The following PPP1R12B variants were observed in gnomAD, a reference collection of about 807,000 sequenced individuals.
PPP1R12B encodes myosin phosphatase target subunit 2.
PPP1R12B carries 76 observed loss-of-function variants against 126.1 expected under a neutral mutation model. The observed-to-expected ratio is 0.60, with a 90% CI of 0.50 to 0.73. The LOEUF (loss-of-function observed/expected upper bound fraction) is 0.73. PPP1R12B is among the 30% of genes least tolerant of loss of function. The pLI is 0.00. For missense variants in PPP1R12B, 1,052 were observed against 1,205.1 expected (o/e 0.87, Z 1.88); for synonymous variants, 356 against 434.7 (o/e 0.82, Z 2.25).
intron 1 of PPP1R12B, among the ~76,000 whole-genome samples, chr1:202,353,731 C>T (rs1364669998): frequency 4.6e-5 from 7 of 151,702 alleles, no homozygotes; most frequent in Non-Finnish European, 1.5e-5. Flanking sequence ...CCACCTCAGC[C>T]TCCTTAGTAA....
At chr1:202,548,560 A>G (rs1685895792) in intron 18 of PPP1R12B, among the ~76,000 whole-genome samples, 1 of 151,830 alleles carries the variant, frequency 6.6e-6, no homozygotes, top group Non-Finnish European at 1.5e-5. Context: ...CCCAACCTCA[A>G]GTGATCCTCC....
At chr1:202,356,968 CCCA>C (rs1413401823) in intron 1 of PPP1R12B, among the ~76,000 whole-genome samples, 1 of 151,868 alleles carries the variant, frequency 6.6e-6, no homozygotes, top group African/African-American at 2.4e-5. Context: ...ATTACAGGCG[CCCA>C]CCACCACAAC....
rs1687661862 is a variant in PPP1R12B at position 202,562,798 on chromosome 1, A to G, written c.2528A>G (p.Asn843Ser). 1.2e-6 allele frequency: 2 copies of G among 1,612,334 alleles called. No homozygotes were observed. Among genetic ancestry groups the G allele is most frequent in the Non-Finnish European group, 1.7e-6 (2 of 1,179,102 alleles). Residue 843 changes from asparagine to serine, a missense_variant, in exon 20 of 24, where the codon AAT becomes AGT. Coordinates refer to ENST00000608999, the MANE Select transcript of PPP1R12B (RefSeq NM_002481.4). Reference protein sequence around the residue: ...RLSRLESGGSNPTTSDSYGDR... With the variant: ...RLSRLESGGSSPTTSDSYGDR... ...CACAGGTTGGAATCGGGAGGTAGTA[A>G]TCCTACAACCAGTGATTCTTACGGT...
At chr1:202,398,264 A>C (rs1665298968) in intron 1 of PPP1R12B, among the ~76,000 whole-genome samples, 1 of 152,178 alleles carries the variant, frequency 6.6e-6, no homozygotes, top group African/African-American at 2.4e-5. Context: ...AGAAGCAAAA[A>C]CGAAAACCCA....
At chr1:202,420,284 T>C (rs1668580690) in intron 2 of PPP1R12B, among the ~76,000 whole-genome samples, 1 of 152,164 alleles carries the variant, frequency 6.6e-6, no homozygotes, top group Admixed American at 6.5e-5. Context: ...TTAGTGTTTG[T>C]TGGGGAGGAG....
chr1:202,482,858 G>A (rs945974362), intron 13 of PPP1R12B, among the ~76,000 whole-genome samples: 2 of 152,122 alleles, frequency 1.3e-5, no homozygotes, highest in Non-Finnish European at 2.9e-5. Flanking sequence ...TTATCTTCTA[G>A]GTAGTTCCAT....
intron 13 of PPP1R12B, among the ~76,000 whole-genome samples, chr1:202,474,437 T>A (rs747078572): frequency 1.3e-5 from 2 of 152,000 alleles, no homozygotes; most frequent in Non-Finnish European, 2.9e-5. Flanking sequence ...TGTAGGCCAC[T>A]ATGCAATTTT....
At chr1:202,370,790 A>G (rs1256792012) in intron 1 of PPP1R12B, among the ~76,000 whole-genome samples, 1 of 152,098 alleles carries the variant, frequency 6.6e-6, no homozygotes, top group Non-Finnish European at 1.5e-5. Context: ...CACCTGCCTC[A>G]GCCTCCTAAA....
chr1:202,563,131 T>C (rs924304508), intron 20 of PPP1R12B, among the ~76,000 whole-genome samples: 2 of 152,190 alleles, frequency 1.3e-5, no homozygotes, highest in African/African-American at 2.4e-5. Flanking sequence ...TTTTGTTTTG[T>C]TTTTTGAGAC....
chr1:202,488,859 C>T (rs907802664), intron 14 of PPP1R12B, among the ~76,000 whole-genome samples: 9 of 152,064 alleles, frequency 5.9e-5, no homozygotes, highest in East Asian at 3.9e-4. Context: ...GCCTGGCCAA[C>T]GTGGTGAAAC....
At chr1:202,417,458 C>A (rs1668227689) in intron 2 of PPP1R12B, 1 of 967,334 alleles carries the variant, frequency 1.0e-6, no homozygotes, top group South Asian at 4.8e-5. Flanking sequence ...TAATAAGATA[C>A]ATTAGGAGCT....
At chr1:202,377,384 G>C (rs1438658448) in intron 1 of PPP1R12B, among the ~76,000 whole-genome samples, 1 of 151,366 alleles carries the variant, frequency 6.6e-6, no homozygotes, top group Admixed American at 6.6e-5. Context: ...CTCACTGCAA[G>C]CTCCGCCTCC....
At chr1:202,538,031 C>T (rs1252989809) in intron 18 of PPP1R12B, among the ~76,000 whole-genome samples, 1 of 152,206 alleles carries the variant, frequency 6.6e-6, no homozygotes, top group Non-Finnish European at 1.5e-5. Flanking sequence ...TCTTGTCGCC[C>T]AGGCTAGAGT....
intron 2 of PPP1R12B, among the ~76,000 whole-genome samples, chr1:202,418,820 A>C (rs1668417983): frequency 6.6e-6 from 1 of 152,176 alleles, no homozygotes; most frequent in Admixed American, 6.5e-5. Flanking sequence ...CAATGGAAAA[A>C]AAAACATTGT....
rs1171590862 is a variant in PPP1R12B at position 202,493,233 on chromosome 1, C to G, written c.2061C>G (p.Ser687Arg). 1 of 1,612,978 alleles carries G rather than the reference C, an allele frequency of 6.2e-7. No individual in the cohort carries two copies. Among genetic ancestry groups the G allele is most frequent in the South Asian group, 1.1e-5 (1 of 91,034 alleles). The stretch of plus-strand genomic sequence containing the variant: ...CAGACACTGAAGGGCTTGAGGGGAG[C>G]CCTGAGAAGCATGAGCCCTCAGCAG... Reference protein sequence around the residue: ...KPTDTEGLEGSPEKHEPSAVP... With the variant: ...KPTDTEGLEGRPEKHEPSAVP... The change falls in exon 15 of 24, where the codon AGC (serine) becomes AGG (arginine). Residue 687 changes from serine (S) to arginine (R), a missense_variant. Transcript: ENST00000608999.
chr1:202,353,832 T>C (rs1186630553), intron 1 of PPP1R12B, among the ~76,000 whole-genome samples: 2 of 152,046 alleles, frequency 1.3e-5, no homozygotes, highest in African/African-American at 4.8e-5. Flanking sequence ...GGGCTGATCT[T>C]GAACTCCTGG....
At chr1:202,458,992 A>G in intron 13 of PPP1R12B, among the ~76,000 whole-genome samples, 1 of 152,222 alleles carries the variant, frequency 6.6e-6, no homozygotes, top group Non-Finnish European at 1.5e-5. Context: ...TTTTACCATT[A>G]AATTGCACAG....
In PPP1R12B at chr1:202,422,665, A is replaced by T. The variant is rs777673487; in HGVS notation, c.468A>T (p.Glu156Asp). Residue 156 changes from glutamate (E) to aspartate (D), a missense_variant, in exon 3 of 24, where the codon GAA becomes GAT. Glu to Asp is a conservative substitution (Grantham distance 45, BLOSUM62 2). Coordinates refer to ENST00000608999, the MANE Select transcript of PPP1R12B (RefSeq NM_002481.4). The part of the protein sequence containing the change: ...HGASVGIVNS[E>D]GEVPSDLAEE... ...CCAGTGTAGGTATTGTCAATAGTGA[A>T]GGTGAAGTTCCCTCTGACCTTGCAG... 162 of 1,613,764 alleles carry T rather than the reference A, an allele frequency of 1.0e-4. No homozygotes were observed. Among genetic ancestry groups the T allele is most frequent in the Admixed American group, 2.7e-4 (16 of 59,994 alleles).
chr1:202,381,220 A>G (rs1662204192), intron 1 of PPP1R12B, among the ~76,000 whole-genome samples: 1 of 152,080 alleles, frequency 6.6e-6, no homozygotes, highest in African/African-American at 2.4e-5. Context: ...CAATAACTCT[A>G]TTTCTTCTCT....
Sources: gnomAD v4.1 joint callset for allele counts (sites outside exome capture counted in the v4.1 genomes callset) on GRCh38, gnomAD v4.1.1 for gene constraint, MANE v1.5 for transcripts, NCBI Gene and HGNC (gene_info 2026-07-23, HGNC 2026-07-21) for gene names.